Variants in RSRC1 observed in about 807,000 individuals in gnomAD.
RSRC1 encodes the protein serine/Arginine-related protein 53.
Under a neutral mutation model 49.1 loss-of-function variants are expected in RSRC1, and 39 were observed. The observed-to-expected ratio is 0.79, with a 90% confidence interval of 0.61 to 1.04. The LOEUF is 1.04. RSRC1 is among the 50% of genes least tolerant of loss of function. The pLI is 0.00. For missense variants in RSRC1, 388 were observed against 402.4 expected, an observed-to-expected ratio of 0.96 and a Z score of 0.31; for synonymous variants, 143 against 130.8, an observed-to-expected ratio of 1.09 and a Z score of -0.63.
At chr3:158,495,188 T>TA (rs1319521638) in intron 7 of RSRC1, among the ~76,000 whole-genome samples, 1 of 152,202 alleles carries the variant, frequency 6.6e-6, no homozygotes, top group African/African-American at 2.4e-5. Context: ...TGCAGCCTGT[T>TA]ATTGACCAAC....
intron 1 of RSRC1, among the ~76,000 whole-genome samples, chr3:158,111,540 C>G (rs1229302957): frequency 2.0e-5 from 3 of 152,156 alleles, no homozygotes; most frequent in African/African-American, 4.8e-5. Flanking sequence ...GAGATGCTTG[C>G]AAGTTTTTAA....
chr3:158,313,429 T>C (rs1305592639), intron 5 of RSRC1, among the ~76,000 whole-genome samples: 5 of 152,218 alleles, frequency 3.3e-5, no homozygotes, highest in African/African-American at 9.6e-5. Flanking sequence ...GTGTCTCTCA[T>C]CATGAAAAAT....
intron 4 of RSRC1, among the ~76,000 whole-genome samples, chr3:158,249,283 T>A (rs1724074863): frequency 6.6e-6 from 1 of 152,138 alleles, no homozygotes; most frequent in African/African-American, 2.4e-5. Context: ...CTACCTCGCA[T>A]CCACTCTCCC....
intron 5 of RSRC1, among the ~76,000 whole-genome samples, chr3:158,332,621 T>C (rs543958576): frequency 6.6e-6 from 1 of 152,294 alleles, no homozygotes; most frequent in African/African-American, 2.4e-5. Context: ...TTTACTATTT[T>C]CCTTATCTTT....
intron 5 of RSRC1, among the ~76,000 whole-genome samples, chr3:158,334,185 T>C (rs1445227991): frequency 6.6e-6 from 1 of 152,182 alleles, no homozygotes; most frequent in Non-Finnish European, 1.5e-5. Context: ...ATAAAGTTTA[T>C]TTTTATTATG....
At chr3:158,402,674 A>G (rs1235537999) in intron 6 of RSRC1, among the ~76,000 whole-genome samples, 2 of 151,866 alleles carry the variant, frequency 1.3e-5, no homozygotes, top group African/African-American at 4.8e-5. Context: ...GTATATTAAT[A>G]AACATTAATA....
chr3:158,487,790 A>G (rs532681164), intron 7 of RSRC1, among the ~76,000 whole-genome samples: 4 of 151,600 alleles, frequency 2.6e-5, no homozygotes, highest in African/African-American at 9.7e-5. Flanking sequence ...TCTCTACTAA[A>G]AATACAAAAA....
chr3:158,350,532 G>A (rs1309174663), intron 5 of RSRC1, among the ~76,000 whole-genome samples: 1 of 152,040 alleles, frequency 6.6e-6, no homozygotes, highest in Admixed American at 6.6e-5. Flanking sequence ...GTGTTAGTAG[G>A]GTTGGTTCCT....
intron 7 of RSRC1, among the ~76,000 whole-genome samples, chr3:158,468,230 G>A (rs1737977726): frequency 6.6e-6 from 1 of 152,162 alleles, no homozygotes; most frequent in South Asian, 2.1e-4. Context: ...ACCGCGCCCG[G>A]CCAGAAAAAT....
At chr3:158,340,316 G>GT (rs1730158501) in intron 5 of RSRC1, among the ~76,000 whole-genome samples, 1 of 152,132 alleles carries the variant, frequency 6.6e-6, no homozygotes, top group Non-Finnish European at 1.5e-5. Flanking sequence ...GCCGAGGTGG[G>GT]TGAATCACAA....
At chr3:158,178,763 G>A (rs924384557) in intron 3 of RSRC1, among the ~76,000 whole-genome samples, 21 of 151,938 alleles carry the variant, frequency 1.4e-4, no homozygotes, top group African/African-American at 4.4e-4. Context: ...AGTTGAGAAC[G>A]GCTAGCCAAT....
chr3:158,148,354 TGTGTGTGTGTGC>T (rs1717292491), intron 3 of RSRC1, among the ~76,000 whole-genome samples: 2 of 110,474 alleles, frequency 1.8e-5, no homozygotes, highest in Admixed American at 1.9e-4. Flanking sequence ...TTAAAAGGTG[TGTGTGTGTGTGC>T]GTGTGTGTGT....
intron 4 of RSRC1, among the ~76,000 whole-genome samples, chr3:158,263,641 AT>A (rs918612282): frequency 5.9e-5 from 9 of 152,102 alleles, no homozygotes; most frequent in Non-Finnish European, 1.2e-4. Context: ...GCATGAAGCC[AT>A]TTGGGCCTGG....
chr3:158,259,336 A>T (rs1246318603), intron 4 of RSRC1, among the ~76,000 whole-genome samples: 1 of 152,114 alleles, frequency 6.6e-6, no homozygotes, highest in Non-Finnish European at 1.5e-5. Context: ...AGCCTCGTAG[A>T]GATACTACTT....
At chr3:158,467,746 G>A (rs1306182439) in intron 7 of RSRC1, among the ~76,000 whole-genome samples, 1 of 152,124 alleles carries the variant, frequency 6.6e-6, no homozygotes, top group Non-Finnish European at 1.5e-5. Context: ...ATTAAAGCAA[G>A]ATGTATATTT....
chr3:158,465,585 G>A (rs1361123652), intron 7 of RSRC1, among the ~76,000 whole-genome samples: 1 of 152,146 alleles, frequency 6.6e-6, no homozygotes, highest in Non-Finnish European at 1.5e-5. Context: ...AGGTTAGGCA[G>A]AAGTAACGTG....
intron 4 of RSRC1, among the ~76,000 whole-genome samples, chr3:158,233,969 T>C (rs1050237166): frequency 3.9e-5 from 6 of 152,174 alleles, no homozygotes; most frequent in Non-Finnish European, 8.8e-5. Context: ...GCTGAATAAG[T>C]GGCAGATAGC....
rs1311064603 is a variant in RSRC1 at position 158,472,500 on chromosome 3, C to G, written c.652+11497C>G. Among the ~76,000 whole-genome samples, 4 of 152,004 alleles carry G rather than the reference C, an allele frequency of 2.6e-5. 1 individual carries two copies. Among genetic ancestry groups the G allele is most frequent in the African/African-American group, 9.7e-5 (4 of 41,430 alleles). ...TGATCCTATTGCATCTTCAACAAAACAAAACAAAAGCAACCCACTAATGAG... is the reference window on the plus strand; with the variant it reads ...TGATCCTATTGCATCTTCAACAAAAGAAAACAAAAGCAACCCACTAATGAG... On this transcript the variant is annotated intron_variant, in intron 7 of 9. Coordinates refer to ENST00000611884, the MANE Select transcript of RSRC1 (RefSeq NM_001271838.2).
chr3:158,117,881 TTTTCTTTCTTTC>T (rs139354874), intron 1 of RSRC1, among the ~76,000 whole-genome samples: 101,520 of 150,384 alleles, frequency 0.68, 34,455 homozygotes, highest in East Asian at 0.83. Flanking sequence ...GTCTGTCTCT[TTTTCTTTCTTTC>T]TTTCTTTCTT....
Sources: gnomAD v4.1 joint callset for allele counts (sites outside exome capture counted in the v4.1 genomes callset) on GRCh38, gnomAD v4.1.1 for gene constraint, MANE v1.5 for transcripts, NCBI Gene and HGNC (gene_info 2026-07-23, HGNC 2026-07-21) for gene names.